DMXL1: variants seen among roughly 807,000 people sequenced by gnomAD.
DMXL1 encodes Dmx like 1.
DMXL1 carries 99 observed loss-of-function variants against 319.2 expected under a neutral mutation model. That is an observed-to-expected ratio of 0.31 (90% CI 0.26 to 0.37). DMXL1 has a LOEUF of 0.37. Ranked by LOEUF, DMXL1 falls within the 10% of genes least tolerant of loss-of-function variation. The probability of loss-of-function intolerance (pLI) is 1.00; values close to 1 mark genes in which losing one functional copy is unlikely to be tolerated. For synonymous variants in DMXL1, 1,385 were observed against 1,235.2 expected (o/e 1.12, Z -2.54); for missense variants, 3,745 against 3,595.6 (o/e 1.04, Z -1.06).
In DMXL1 at chr5:119,160,284, C is replaced by G. The variant is rs1480869841; in HGVS notation, c.4703-4223C>G. The stretch of plus-strand genomic sequence containing the variant: ...TTTTTAATTTCTCTTTTGGTTTCTT[C>G]TTTGACTCATTGTTTTTTCAGGAGC... On this transcript the variant is annotated intron_variant, in intron 19 of 43. Coordinates refer to ENST00000539542, the MANE Select transcript of DMXL1 (RefSeq NM_001290321.3). Among the ~76,000 whole-genome samples the G allele has an allele frequency of 2.0e-5, 3 of 152,050 alleles. No individual in the cohort carries two copies. The East Asian group carries it at 5.8e-4, about 29-fold the overall frequency.
rs372527590 is a variant in DMXL1, at chr5:119,167,587, A to G, written c.5137-16A>G. ...ACCTGCTCCTGCTTATTTAAAAACA[A>G]TATTTTTTTTTAAAGGTATGTCTTG... On this transcript the variant is annotated splice_polypyrimidine_tract_variant and intron_variant, in intron 22 of 43. Coordinates refer to ENST00000539542, the MANE Select transcript of DMXL1 (RefSeq NM_001290321.3). 5.6e-5 allele frequency: 87 copies of G among 1,541,290 alleles called. No homozygotes were observed. Among genetic ancestry groups the G allele is most frequent in the Non-Finnish European group, 7.1e-5 (81 of 1,144,712 alleles).
At chr5:119,142,538 AGAT>A (rs1404758886) in intron 13 of DMXL1, among the ~76,000 whole-genome samples, 2 of 150,470 alleles carry the variant, frequency 1.3e-5, no homozygotes, top group African/African-American at 4.9e-5. Context: ...AAAAAAAAAA[AGAT>A]GCTGATGAGG....
In DMXL1 at chr5:119,223,309, G is replaced by A. The variant is rs1784967886; in HGVS notation, c.8278-1400G>A. Among the ~76,000 whole-genome samples the A allele has an allele frequency of 2.0e-5, 3 of 152,050 alleles. No homozygotes were observed. The South Asian group carries it at 6.2e-4, about 32-fold the overall frequency. ...TGGCCTCAAGTGATGCACCCAGCTT[G>A]GCCTCCCAAAATGCTGGGATGACAG... On this transcript the variant is annotated intron_variant, in intron 37 of 43. Transcript: ENST00000539542.
intron 39 of DMXL1, chr5:119,236,912 G>A (rs892027423): frequency 3.3e-5 from 5 of 151,860 alleles, no homozygotes. Context: ...ATTTTACTTT[G>A]TACTCTTGTT....
At chr5:119,182,758 T>C (rs2150337265) in intron 28 of DMXL1, among the ~76,000 whole-genome samples, 1 of 152,262 alleles carries the variant, frequency 6.6e-6, no homozygotes, top group Admixed American at 6.5e-5. Context: ...TATATATTAA[T>C]GAAGAGTTTG....
At chr5:119,239,832 CT>C (rs1315082453) in intron 41 of DMXL1, among the ~76,000 whole-genome samples, 1 of 151,682 alleles carries the variant, frequency 6.6e-6, no homozygotes, top group Non-Finnish European at 1.5e-5. Context: ...TGGCAGGTGC[CT>C]GTAATCCCAG....
intron 1 of DMXL1, among the ~76,000 whole-genome samples, chr5:119,097,213 A>G (rs1026512221): frequency 6.6e-6 from 1 of 152,242 alleles, no homozygotes; most frequent in Non-Finnish European, 1.5e-5. Flanking sequence ...GATATTGACC[A>G]TGGTAAGGTG....
chr5:119,138,912 G>C (rs904891989), intron 13 of DMXL1: 7 of 152,206 alleles, frequency 4.6e-5, no homozygotes, highest in African/African-American at 1.7e-4. Context: ...GAGAAGATGA[G>C]CATGGCTCCT....
intron 38 of DMXL1, among the ~76,000 whole-genome samples, chr5:119,228,158 T>C (rs1785947678): frequency 6.6e-6 from 1 of 152,212 alleles, no homozygotes; most frequent in Non-Finnish European, 1.5e-5. Context: ...TATAAGTTTT[T>C]TCCCTTAGAG....
At chr5:119,196,512 G>GTAGTT in intron 31 of DMXL1, 56 bp downstream of exon 31, 1 of 656,608 alleles carries the variant, frequency 1.5e-6, no homozygotes, top group Non-Finnish European at 2.4e-6. Flanking sequence ...TTACTACTCT[G>GTAGTT]TTGTTTTTTT....
intron 1 of DMXL1, among the ~76,000 whole-genome samples, chr5:119,077,790 T>TA: frequency 6.8e-6 from 1 of 146,946 alleles, no homozygotes; most frequent in Admixed American, 6.7e-5. Flanking sequence ...TGTGTGTGTA[T>TA]ATCTGTACTT....
Position 119,164,675 on chromosome 5 carries a change from A to C in DMXL1, c.4871A>C (p.Lys1624Thr). 1 of 1,590,154 alleles carries C rather than the reference A, an allele frequency of 6.3e-7. No individual in the cohort carries two copies. The highest frequency in any genetic ancestry group is 1.1e-5 in the South Asian group (1 of 87,394). The change falls in exon 20 of 44, where the codon AAA (lysine) becomes ACA (threonine). Residue 1624 changes from lysine (K) to threonine (T), a missense_variant and splice_region_variant. By Grantham distance (78) the Lys-to-Thr change is moderately conservative. Coordinates refer to ENST00000539542, the MANE Select transcript of DMXL1 (RefSeq NM_001290321.3). ...NTRILRKCIE[K>T]VAKAAFYRKN... is the part of the protein sequence containing the mutation. Reference sequence around the variant, plus strand: ...CGCATCTTACGCAAATGCATAGAAAAAGTAAGTGTTTTATTTTGGTGTATA... The same window carrying C: ...CGCATCTTACGCAAATGCATAGAAACAGTAAGTGTTTTATTTTGGTGTATA...
intron 13 of DMXL1, among the ~76,000 whole-genome samples, chr5:119,143,346 C>G (rs7706218): frequency 0.48 from 72,996 of 151,712 alleles, 20,788 homozygotes; most frequent in East Asian, 0.84. Flanking sequence ...GGAATGATTA[C>G]CAAGATCAGA....
intron 1 of DMXL1, among the ~76,000 whole-genome samples, chr5:119,080,307 G>T (rs573872833): frequency 6.6e-6 from 1 of 151,954 alleles, no homozygotes; most frequent in South Asian, 2.1e-4. Flanking sequence ...AGATTGTCTC[G>T]CTGCACTCCA....
chr5:119,229,612 C>G (rs1786282551), intron 38 of DMXL1, among the ~76,000 whole-genome samples: 1 of 152,146 alleles, frequency 6.6e-6, no homozygotes, highest in Non-Finnish European at 1.5e-5. Context: ...ATTCTTTTTC[C>G]CATAAGAAAA....
At chr5:119,195,769 A>G (rs1442024184) in intron 30 of DMXL1, among the ~76,000 whole-genome samples, 1 of 152,170 alleles carries the variant, frequency 6.6e-6, no homozygotes, top group African/African-American at 2.4e-5. Context: ...TAAAAATTCA[A>G]TCCTTTAAGA....
At chr5:119,081,221 G>C (rs1054095271) in intron 1 of DMXL1, among the ~76,000 whole-genome samples, 5 of 152,184 alleles carry the variant, frequency 3.3e-5, no homozygotes, top group Non-Finnish European at 4.4e-5. Context: ...AGACAGCTGC[G>C]TTTGGGCTGC....
intron 30 of DMXL1, among the ~76,000 whole-genome samples, chr5:119,195,511 T>A (rs981893414): frequency 6.6e-6 from 1 of 152,154 alleles, no homozygotes; most frequent in African/African-American, 2.4e-5. Flanking sequence ...TTCACTTACA[T>A]GAGGTACCTA....
chr5:119,197,828 A>G lies in DMXL1; in HGVS notation c.7617A>G (p.Arg2539=). The change falls in exon 32 of 44, where the codon CGA becomes CGG. Residue 2539 remains arginine, a synonymous_variant. Coordinates refer to ENST00000539542, the MANE Select transcript of DMXL1 (RefSeq NM_001290321.3). Reference sequence around the variant, plus strand: ...AATGTTGGGAACAAGTTCTTCTCCGACGACTTGAAATCCATGGTGGGCCAC... The same window carrying G: ...AATGTTGGGAACAAGTTCTTCTCCGGCGACTTGAAATCCATGGTGGGCCAC... ...TLQCWEQVLL[R]RLEIHGGPPQ... 6.2e-7 allele frequency: 1 copy of G among 1,614,138 alleles called. No homozygotes were observed. The highest frequency in any genetic ancestry group is 8.5e-7 in the Non-Finnish European group (1 of 1,180,016).
Sources: gnomAD v4.1 joint callset for allele counts (sites outside exome capture counted in the v4.1 genomes callset) on GRCh38, gnomAD v4.1.1 for gene constraint, MANE v1.5 for transcripts, NCBI Gene and HGNC (gene_info 2026-07-23, HGNC 2026-07-21) for gene names.